Variants in TNNI3K observed in about 807,000 individuals in gnomAD.
TNNI3K encodes serine/threonine-protein kinase TNNI3K.
A neutral mutation model predicts 114.5 loss-of-function variants in TNNI3K; 140 were observed. The observed-to-expected ratio is 1.22, with a 90% CI of 1.07 to 1.41. The LOEUF (loss-of-function observed/expected upper bound fraction) is 1.41. Ranked by LOEUF, TNNI3K falls within the 40% of genes most tolerant of loss-of-function variation. The pLI is 0.00. For missense variants in TNNI3K, 1,125 were observed against 1,007.6 expected, an observed-to-expected ratio of 1.12 and a Z score of -1.58; for synonymous variants, 347 against 347.5, an observed-to-expected ratio of 1.00 and a Z score of 0.02.
intron 7 of TNNI3K, chr1:74,341,767 G>A (rs185596460): frequency 2.0e-5 from 3 of 152,210 alleles, no homozygotes; most frequent in Non-Finnish European, 2.9e-5. Flanking sequence ...TGCCACCCTT[G>A]CTAGGCACAC....
chr1:74,265,793 T>C (rs1377122982), intron 4 of TNNI3K, among the ~76,000 whole-genome samples: 1 of 141,808 alleles, frequency 7.1e-6, no homozygotes, highest in Non-Finnish European at 1.5e-5. Flanking sequence ...TTAAGAAACA[T>C]GTCGCAAATG....
chr1:74,513,238 T>G (rs1180803887), intron 23 of TNNI3K, among the ~76,000 whole-genome samples: 2 of 152,160 alleles, frequency 1.3e-5, no homozygotes, highest in Admixed American at 1.3e-4. Context: ...AGTTCGTTTA[T>G]TCAGCTGATA....
chr1:74,241,712 C>T (rs1433138023), intron 2 of TNNI3K, among the ~76,000 whole-genome samples: 5 of 151,970 alleles, frequency 3.3e-5, no homozygotes, highest in African/African-American at 1.2e-4. Context: ...AAAATTTTCT[C>T]CCATTCTGTA....
chr1:74,515,346 G>A (rs200102147), intron 23 of TNNI3K, among the ~76,000 whole-genome samples: 9 of 152,056 alleles, frequency 5.9e-5, no homozygotes, highest in South Asian at 2.1e-4. Flanking sequence ...GGGACTATGC[G>A]GAAAACCCAC....
At chr1:74,387,013 T>G (rs1663518195) in intron 17 of TNNI3K, among the ~76,000 whole-genome samples, 1 of 152,190 alleles carries the variant, frequency 6.6e-6, no homozygotes, top group Non-Finnish European at 1.5e-5. Context: ...ATGTTAAAAT[T>G]TCTATAGACA....
intron 5 of TNNI3K, among the ~76,000 whole-genome samples, chr1:74,307,042 G>C (rs1428593501): frequency 2.0e-5 from 3 of 152,168 alleles, no homozygotes; most frequent in African/African-American, 4.8e-5. Flanking sequence ...TGTATGCAGT[G>C]AGAGGTAAAC....
At chr1:74,396,408 C>T (rs986274715) in intron 17 of TNNI3K, among the ~76,000 whole-genome samples, 6 of 152,192 alleles carry the variant, frequency 3.9e-5, no homozygotes, top group Non-Finnish European at 8.8e-5. Flanking sequence ...CTAAAAAGTA[C>T]TGAGGTTAGG....
intron 17 of TNNI3K, chr1:74,378,629 T>TATATATATATATAAA (rs1557531489): frequency 1.9e-4 from 26 of 135,786 alleles, no homozygotes; most frequent in African/African-American, 6.6e-4. Context: ...TATATATATA[T>TATATATATATATAAA]ATATATATAT....
intron 2 of TNNI3K, among the ~76,000 whole-genome samples, chr1:74,238,959 G>A (rs1654025818): frequency 6.6e-6 from 1 of 152,010 alleles, no homozygotes; most frequent in African/African-American, 2.4e-5. Flanking sequence ...CCAATAACCT[G>A]AATGTTTAAC....
chr1:74,350,966 A>G (rs1661303866), intron 9 of TNNI3K, among the ~76,000 whole-genome samples: 1 of 151,964 alleles, frequency 6.6e-6, no homozygotes, highest in Admixed American at 6.6e-5. Context: ...GCCCATTTAC[A>G]TTTAAGGTTA....
chr1:74,464,501 G>A (rs1667583803), intron 21 of TNNI3K: 1 of 1,383,918 alleles, frequency 7.2e-7, no homozygotes, highest in African/African-American at 1.5e-5. Context: ...TCCTTCCTAG[G>A]CACTTTATAG....
intron 23 of TNNI3K, among the ~76,000 whole-genome samples, chr1:74,528,314 G>A (rs2100432395): frequency 6.6e-6 from 1 of 152,252 alleles, no homozygotes; most frequent in Admixed American, 6.5e-5. Context: ...GCATGGCATA[G>A]GGACATAGTA....
intron 5 of TNNI3K, among the ~76,000 whole-genome samples, chr1:74,303,518 A>T (rs1201959546): frequency 6.6e-6 from 1 of 152,140 alleles, no homozygotes; most frequent in African/African-American, 2.4e-5. Flanking sequence ...AGGGAAAAAA[A>T]ATTCAATTCA....
At position 74,283,220 on chromosome 1, in the gene TNNI3K, G is replaced by A. The variant is rs139670102; in HGVS notation, c.444+11512G>A. 5.5e-4 allele frequency among the ~76,000 whole-genome samples: 83 copies of A among 152,268 alleles called. 1 individual carries two copies. Among genetic ancestry groups the A allele is most frequent in the African/African-American group, 1.8e-3 (76 of 41,556 alleles). ...GCATTCGAAAATGGTTTCCTCGGGAGTTGAAACCATAAACTCTATACCCCA... is the reference window on the plus strand; with the variant it reads ...GCATTCGAAAATGGTTTCCTCGGGAATTGAAACCATAAACTCTATACCCCA... On this transcript the variant is annotated intron_variant, in intron 5 of 24. Coordinates refer to ENST00000326637, the MANE Select transcript of TNNI3K (RefSeq NM_015978.3).
At chr1:74,327,209 G>A (rs1018730744) in intron 5 of TNNI3K, among the ~76,000 whole-genome samples, 2 of 151,222 alleles carry the variant, frequency 1.3e-5, no homozygotes, top group Admixed American at 6.6e-5. Context: ...TATTGTAAAG[G>A]GTAATTCATA....
intron 23 of TNNI3K, among the ~76,000 whole-genome samples, chr1:74,516,273 G>A (rs1205503284): frequency 6.6e-6 from 1 of 152,146 alleles, no homozygotes; most frequent in Non-Finnish European, 1.5e-5. Context: ...CCATTTGTTT[G>A]TTCACTCATC....
Position 74,429,660 on chromosome 1 carries a change from G to A in TNNI3K, c.1773-6420G>A, listed in dbSNP as rs113259179. Among the ~76,000 whole-genome samples, 1,036 of 152,264 alleles carry A rather than the reference G, an allele frequency of 6.8e-3. 13 individuals are homozygous for A. Among genetic ancestry groups the A allele is most frequent in the African/African-American group, 0.023 (970 of 41,574 alleles). On this transcript the variant is annotated intron_variant, in intron 17 of 24. Transcript: ENST00000326637. ...ATAGCTCTAAGGGCAAAATATGGCA[G>A]CCAGCAGATCGGAAGACCAGGACTC...
At chr1:74,475,096 C>T (rs925805824) in intron 21 of TNNI3K, among the ~76,000 whole-genome samples, 2 of 146,964 alleles carry the variant, frequency 1.4e-5, no homozygotes, top group African/African-American at 5.0e-5. Flanking sequence ...AAAGTAAGAA[C>T]ACTTCATCTC....
At chr1:74,510,021 A>G (rs1670104871) in intron 23 of TNNI3K, among the ~76,000 whole-genome samples, 1 of 152,078 alleles carries the variant, frequency 6.6e-6, no homozygotes, top group South Asian at 2.1e-4. Context: ...GTGTGAGCCT[A>G]TGCGCCCAGC....
Sources: gnomAD v4.1 joint callset for allele counts (sites outside exome capture counted in the v4.1 genomes callset) on GRCh38, gnomAD v4.1.1 for gene constraint, MANE v1.5 for transcripts, NCBI Gene and HGNC (gene_info 2026-07-23, HGNC 2026-07-21) for gene names.